Variants in ARHGAP44 observed in about 807,000 individuals in gnomAD.
ARHGAP44 encodes Rho GTPase activating protein 44, also known as rho GTPase-activating protein 44.
ARHGAP44 carries 43 observed loss-of-function variants against 106.8 expected under a neutral mutation model. That is an observed-to-expected ratio of 0.40 (90% CI 0.32 to 0.52). The LOEUF (loss-of-function observed/expected upper bound fraction) is 0.52. Among genes scored for constraint, ARHGAP44 ranks in the 20% least tolerant of loss-of-function variants. The probability of loss-of-function intolerance (pLI) is 0.48; values close to 1 mark genes in which losing one functional copy is unlikely to be tolerated. For missense variants in ARHGAP44, 866 were observed against 1,050.5 expected, an observed-to-expected ratio of 0.82 and a Z score of 2.43; for synonymous variants, 439 against 410.3, an observed-to-expected ratio of 1.07 and a Z score of -0.85.
intron 1 of ARHGAP44, among the ~76,000 whole-genome samples, chr17:12,806,607 C>CCCCA (rs2034280973): frequency 6.6e-6 from 1 of 152,146 alleles, no homozygotes; most frequent in Admixed American, 6.6e-5. Flanking sequence ...CTTGACATCT[C>CCCCA]CCCATAGTTT....
intron 1 of ARHGAP44, among the ~76,000 whole-genome samples, chr17:12,831,758 C>A (rs2035095409): frequency 6.6e-6 from 1 of 152,086 alleles, no homozygotes; most frequent in South Asian, 2.1e-4. Context: ...CATTGTAAGC[C>A]CTTTTTACTA....
At chr17:12,973,472 CAG>C (rs1404201779) in intron 17 of ARHGAP44, 153 bp downstream of exon 17, 43 of 757,476 alleles carry the variant, frequency 5.7e-5, no homozygotes, top group Middle Eastern at 5.6e-4. Flanking sequence ...AAAATAGAAT[CAG>C]AGCCCAGAGG....
intron 7 of ARHGAP44, among the ~76,000 whole-genome samples, chr17:12,933,846 A>C (rs7225541): frequency 0.39 from 56,297 of 144,306 alleles, 11,012 homozygotes; most frequent in African/African-American, 0.43. Flanking sequence ...CATCACATAA[A>C]TTCTTTTTTT....
At chr17:12,897,849 G>A (rs749710359) in intron 3 of ARHGAP44, among the ~76,000 whole-genome samples, 1 of 151,738 alleles carries the variant, frequency 6.6e-6, no homozygotes, top group African/African-American at 2.4e-5. Context: ...GTTGGTAGGC[G>A]GATTAGTACT....
rs1567731367 is a variant in ARHGAP44 at position 12,990,883 on chromosome 17, C to CA, written c.*713dup. ...TATAAAACAAAACAAACAAGCCTGA[C>CA]AGTGTCTGGAGGAGCCAAAGGTGGC... On this transcript the variant is annotated 3_prime_UTR_variant, in exon 21 of 21. Transcript: ENST00000379672. The CA allele has an allele frequency of 6.6e-6, 1 of 152,308 alleles. No individual in the cohort carries two copies. The highest frequency in any genetic ancestry group is 1.5e-5 in the Non-Finnish European group (1 of 68,006). 9.4% of individuals were successfully genotyped at this position (152,308 alleles called of 1,614,324 possible).
chr17:12,868,494 C>T (rs142747783), intron 1 of ARHGAP44, among the ~76,000 whole-genome samples: 4 of 149,624 alleles, frequency 2.7e-5, no homozygotes, highest in Admixed American at 1.3e-4. Flanking sequence ...CATGCAAGAT[C>T]GTGGAGAAAG....
At chr17:12,881,460 A>G (rs1030046263) in intron 1 of ARHGAP44, among the ~76,000 whole-genome samples, 1 of 152,070 alleles carries the variant, frequency 6.6e-6, no homozygotes, top group African/African-American at 2.4e-5. Flanking sequence ...CTTAGATAAC[A>G]CTTTTTTATC....
chr17:12,981,110 A>G (rs939433548), intron 19 of ARHGAP44: 1 of 152,056 alleles, frequency 6.6e-6, no homozygotes, highest in African/African-American at 2.4e-5. Context: ...TGCATTCTAC[A>G]CAAATTTATT....
intron 16 of ARHGAP44, among the ~76,000 whole-genome samples, chr17:12,965,023 T>A (rs2039356244): frequency 6.6e-6 from 1 of 152,166 alleles, no homozygotes; most frequent in African/African-American, 2.4e-5. Context: ...TGGCCCCTGC[T>A]CCCTGCACTT....
At chr17:12,919,134 C>T (rs2037999064) in intron 5 of ARHGAP44, among the ~76,000 whole-genome samples, 2 of 152,018 alleles carry the variant, frequency 1.3e-5, no homozygotes, top group African/African-American at 2.4e-5. Flanking sequence ...AGATCTTCAG[C>T]GTACTCACCA....
chr17:12,835,299 G>A (rs1004384035), intron 1 of ARHGAP44, among the ~76,000 whole-genome samples: 12 of 152,136 alleles, frequency 7.9e-5, no homozygotes, highest in Admixed American at 2.0e-4. Context: ...TAAGAAAAAC[G>A]TGTGCACAGA....
intron 20 of ARHGAP44, among the ~76,000 whole-genome samples, chr17:12,989,685 G>A (rs991617817): frequency 5.9e-5 from 9 of 152,114 alleles, no homozygotes; most frequent in East Asian, 1.9e-4. Flanking sequence ...AAATGCAGTC[G>A]TCTGATATAG....
intron 1 of ARHGAP44, among the ~76,000 whole-genome samples, chr17:12,880,639 CGAT>C (rs1485323043): frequency 6.6e-6 from 1 of 151,558 alleles, no homozygotes; most frequent in Non-Finnish European, 1.5e-5. Context: ...ATTCTCCTCT[CGAT>C]GGCCATTTTT....
chr17:12,921,966 G>C (rs2038097149), intron 6 of ARHGAP44, among the ~76,000 whole-genome samples: 1 of 152,084 alleles, frequency 6.6e-6, no homozygotes, highest in Non-Finnish European at 1.5e-5. Context: ...GGTTTCTTTG[G>C]TTAACTTACT....
chr17:12,959,006 G>A, intron 16 of ARHGAP44, 109 bp downstream of exon 16: 1 of 1,293,178 alleles, frequency 7.7e-7, no homozygotes, highest in South Asian at 1.3e-5. Context: ...CTGACTCTCA[G>A]CAGTTTAGGT....
chr17:12,802,931 A>G (rs868626787), intron 1 of ARHGAP44, among the ~76,000 whole-genome samples: 11 of 9,010 alleles, frequency 1.2e-3, no homozygotes, highest in African/African-American at 4.9e-3. Flanking sequence ...GCTAATTTAT[A>G]TATATATATA....
chr17:12,887,115 C>T (rs1450711569), intron 1 of ARHGAP44, among the ~76,000 whole-genome samples: 2 of 151,908 alleles, frequency 1.3e-5, no homozygotes, highest in Admixed American at 1.3e-4. Flanking sequence ...AATGTTGAAC[C>T]AACTTTTTAT....
chr17:12,804,075 T>G (rs1448027068), intron 1 of ARHGAP44, among the ~76,000 whole-genome samples: 2 of 152,232 alleles, frequency 1.3e-5, no homozygotes, highest in Admixed American at 6.5e-5. Context: ...AGTCACTTGC[T>G]GTCTTTCTCT....
chr17:12,903,132 A>AGTGTGTGT (rs2037438272), intron 3 of ARHGAP44, among the ~76,000 whole-genome samples: 1 of 125,874 alleles, frequency 7.9e-6, no homozygotes, highest in African/African-American at 3.1e-5. Flanking sequence ...GAGAGGAGAG[A>AGTGTGTGT]GAGAGAGAGT....
Sources: allele counts gnomAD v4.1 joint callset (sites outside exome capture counted in the v4.1 genomes callset), GRCh38; gene constraint gnomAD v4.1.1; transcripts MANE v1.5; gene names NCBI Gene and HGNC (gene_info 2026-07-23, HGNC 2026-07-21).